Variants in LRFN2 observed in about 807,000 individuals in gnomAD.
LRFN2 encodes leucine-rich repeat and fibronectin type-III domain-containing protein 2.
LRFN2 carries 18 observed loss-of-function variants against 37.3 expected under a neutral mutation model. That is an observed-to-expected ratio of 0.48 (90% CI 0.33 to 0.72). The LOEUF is 0.72. Ranked by LOEUF, LRFN2 falls within the 30% of genes least tolerant of loss-of-function variation. LRFN2 has a pLI of 0.02. For synonymous variants in LRFN2, 556 were observed against 466.6 expected, an observed-to-expected ratio of 1.19 and a Z score of -2.47; for missense variants, 1,006 against 1,060.7, an observed-to-expected ratio of 0.95 and a Z score of 0.72.
chr6:40,438,545 G>A (rs952578263), intron 1 of LRFN2, among the ~76,000 whole-genome samples: 14 of 152,222 alleles, frequency 9.2e-5, no homozygotes, highest in Non-Finnish European at 1.8e-4. Context: ...ACCCTGGACA[G>A]AACCACAATT....
chr6:40,566,327 G>A (rs1019286373), intron 1 of LRFN2, among the ~76,000 whole-genome samples: 8 of 152,180 alleles, frequency 5.3e-5, no homozygotes, highest in African/African-American at 1.9e-4. Flanking sequence ...TCCGTGTGGC[G>A]ATTCCTCAGG....
At chr6:40,523,097 T>C (rs1766133947) in intron 1 of LRFN2, among the ~76,000 whole-genome samples, 1 of 152,180 alleles carries the variant, frequency 6.6e-6, no homozygotes, top group African/African-American at 2.4e-5. Flanking sequence ...TTTGTTACCA[T>C]GGTCCTGTTG....
At chr6:40,459,064 C>A (rs922196943) in intron 1 of LRFN2, among the ~76,000 whole-genome samples, 1 of 152,146 alleles carries the variant, frequency 6.6e-6, no homozygotes, top group African/African-American at 2.4e-5. Flanking sequence ...ACGTGGTTTC[C>A]AAGAACTCAT....
chr6:40,569,055 C>T (rs1767141237), intron 1 of LRFN2, among the ~76,000 whole-genome samples: 1 of 152,210 alleles, frequency 6.6e-6, no homozygotes, highest in African/African-American at 2.4e-5. Context: ...ACATGGGTCA[C>T]TCTGTCAAGA....
intron 1 of LRFN2, among the ~76,000 whole-genome samples, chr6:40,441,572 G>A (rs1311772908): frequency 6.6e-6 from 1 of 152,176 alleles, no homozygotes; most frequent in Non-Finnish European, 1.5e-5. Flanking sequence ...CTATTTTCCT[G>A]CTGTGTTGTC....
chr6:40,420,748 G>A (rs559068576), intron 2 of LRFN2, among the ~76,000 whole-genome samples: 1 of 152,248 alleles, frequency 6.6e-6, no homozygotes, highest in Non-Finnish European at 1.5e-5. Context: ...AAAGTCAGTG[G>A]GTGGGATTCT....
intron 1 of LRFN2, among the ~76,000 whole-genome samples, chr6:40,543,373 T>C (rs1300154639): frequency 6.6e-6 from 1 of 152,172 alleles, no homozygotes; most frequent in Non-Finnish European, 1.5e-5. Context: ...GCAGAGACAT[T>C]AGCTATATGA....
chr6:40,457,634 G>A (rs1433264665), intron 1 of LRFN2, among the ~76,000 whole-genome samples: 1 of 66,924 alleles, frequency 1.5e-5, no homozygotes. Flanking sequence ...GAAAGACCCT[G>A]TTTAAAAAAA....
chr6:40,463,670 A>ATTTTTTTTTTTT (rs66745321), intron 1 of LRFN2, among the ~76,000 whole-genome samples: 2 of 76,526 alleles, frequency 2.6e-5, no homozygotes, highest in Non-Finnish European at 4.7e-5. Flanking sequence ...CTTTCTTTCT[A>ATTTTTTTTTTTT]TTTTTTTTTT....
chr6:40,484,026 G>C (rs1764894793), intron 1 of LRFN2, among the ~76,000 whole-genome samples: 1 of 152,200 alleles, frequency 6.6e-6, no homozygotes, highest in Non-Finnish European at 1.5e-5. Flanking sequence ...AGAATTTGCT[G>C]TCTCCTTTGG....
At position 40,432,697 on chromosome 6, in the gene LRFN2, G is replaced by A. The variant is rs139467631; in HGVS notation, c.417C>T (p.Ile139=). ...GGAAGTCCTCAAAAGCCTCATCTGC[G>A]ATGCCGCCCAGCTGGTTGTTGTTCA... The part of the protein sequence containing the change: ...LIVNNNQLGG[I]ADEAFEDFLL... The change falls in exon 2 of 3, where the codon ATC becomes ATT. Residue 139 remains isoleucine (I), a synonymous_variant. Coordinates refer to ENST00000338305, the MANE Select transcript of LRFN2 (RefSeq NM_020737.3). 7.3e-4 allele frequency: 1,183 copies of A among 1,614,166 alleles called. 9 individuals are homozygous for A. The highest frequency in any genetic ancestry group is 4.5e-3 in the South Asian group (408 of 91,082).
intron 2 of LRFN2, among the ~76,000 whole-genome samples, chr6:40,409,695 A>G (rs1363439899): frequency 6.6e-6 from 1 of 152,142 alleles, no homozygotes; most frequent in Non-Finnish European, 1.5e-5. Context: ...TGGACACAGT[A>G]TGTAAGTGGT....
chr6:40,571,178 C>T (rs1175252324), intron 1 of LRFN2, among the ~76,000 whole-genome samples: 2 of 152,202 alleles, frequency 1.3e-5, no homozygotes, highest in Admixed American at 1.3e-4. Context: ...GACTGGGAGA[C>T]CCTTGAAGGC....
chr6:40,540,692 TG>T (rs1766537607), intron 1 of LRFN2, among the ~76,000 whole-genome samples: 1 of 152,200 alleles, frequency 6.6e-6, no homozygotes, highest in South Asian at 2.1e-4. Context: ...CGGGGCCTTC[TG>T]CAGAGTATTA....
chr6:40,461,216 G>A (rs1764340958), intron 1 of LRFN2, among the ~76,000 whole-genome samples: 1 of 151,996 alleles, frequency 6.6e-6, no homozygotes, highest in Admixed American at 6.6e-5. Context: ...AGACCAACCT[G>A]GTCAACATAG....
intron 1 of LRFN2, among the ~76,000 whole-genome samples, chr6:40,552,423 G>C (rs1347503390): frequency 6.6e-6 from 1 of 152,160 alleles, no homozygotes; most frequent in Non-Finnish European, 1.5e-5. Context: ...ACCACCCTTT[G>C]AATAGCAAAG....
At position 40,521,549 on chromosome 6, in the gene LRFN2, G is replaced by A. The variant is rs755139675; in HGVS notation, c.-19+65392C>T. ...ATGTTGGTGCCGATTAATCCTGAAC[G>A]GTTTAAGCAGTCGGATTTTATACAT... On this transcript the variant is annotated intron_variant, in intron 1 of 2. Transcript: ENST00000338305. Among the ~76,000 whole-genome samples the A allele has an allele frequency of 5.3e-5, 8 of 152,226 alleles. No homozygotes were observed. The South Asian group carries it at 6.2e-4, about 12-fold the overall frequency.
chr6:40,460,560 C>T (rs1383942543), intron 1 of LRFN2, among the ~76,000 whole-genome samples: 7 of 152,196 alleles, frequency 4.6e-5, no homozygotes, highest in Non-Finnish European at 1.0e-4. Context: ...TGTAGAAATG[C>T]AAATTGCCAT....
At chr6:40,417,321 G>A (rs376078294) in intron 2 of LRFN2, among the ~76,000 whole-genome samples, 1 of 152,020 alleles carries the variant, frequency 6.6e-6, no homozygotes, top group Non-Finnish European at 1.5e-5. Flanking sequence ...TCAGTGCCTC[G>A]GCAGCCTCCC....
Sources: gnomAD v4.1 joint callset for allele counts (sites outside exome capture counted in the v4.1 genomes callset) on GRCh38, gnomAD v4.1.1 for gene constraint, MANE v1.5 for transcripts, NCBI Gene and HGNC (gene_info 2026-07-23, HGNC 2026-07-21) for gene names.